The following MACROD2 variants were observed in gnomAD, a reference collection of about 807,000 sequenced individuals.
MACROD2 encodes the protein mono-ADP ribosylhydrolase 2.
Under a neutral mutation model 70.4 loss-of-function variants are expected in MACROD2, and 36 were observed. The observed-to-expected ratio is 0.51, with a 90% confidence interval of 0.39 to 0.68. The LOEUF (loss-of-function observed/expected upper bound fraction) is 0.68. MACROD2 is among the 30% of genes least tolerant of loss of function. The probability of loss-of-function intolerance (pLI) is 0.00; values close to 1 mark genes in which losing one functional copy is unlikely to be tolerated. For missense variants in MACROD2, 496 were observed against 538.4 expected (o/e 0.92, Z 0.78); for synonymous variants, 172 against 178.8 (o/e 0.96, Z 0.30).
At chr20:14,850,504 C>T (rs1366527032) in intron 5 of MACROD2, 1 of 152,966 alleles carries the variant, frequency 6.5e-6, no homozygotes, top group Non-Finnish European at 1.5e-5. Context: ...TTGTTTGCCA[C>T]TGTTGTATCA....
chr20:15,339,369 A>T (rs2078082937), intron 6 of MACROD2, among the ~76,000 whole-genome samples: 1 of 151,840 alleles, frequency 6.6e-6, no homozygotes, highest in East Asian at 1.9e-4. Flanking sequence ...ACTCTAAGAC[A>T]TCAATCGACA....
chr20:15,179,997 C>T (rs2076489194), intron 5 of MACROD2, among the ~76,000 whole-genome samples: 1 of 152,150 alleles, frequency 6.6e-6, no homozygotes, highest in African/African-American at 2.4e-5. Context: ...TGCCGATGGC[C>T]ACCCTCTTGC....
At chr20:14,624,193 G>C (rs1449727797) in intron 4 of MACROD2, among the ~76,000 whole-genome samples, 1 of 152,176 alleles carries the variant, frequency 6.6e-6, no homozygotes, top group Non-Finnish European at 1.5e-5. Flanking sequence ...ATCAGCTTTA[G>C]GTGTCTGAGG....
chr20:14,388,735 GTGACTTCTC>G (rs1317059170), intron 3 of MACROD2, among the ~76,000 whole-genome samples: 1 of 151,946 alleles, frequency 6.6e-6, no homozygotes, highest in African/African-American at 2.4e-5. Flanking sequence ...TTTTAATGTT[GTGACTTCTC>G]TGCTTCTTGC....
intron 5 of MACROD2, among the ~76,000 whole-genome samples, chr20:14,799,805 T>C (rs1041706409): frequency 6.6e-6 from 1 of 152,014 alleles, no homozygotes; most frequent in Non-Finnish European, 1.5e-5. Context: ...CCCTGTTTGT[T>C]GATATATTTG....
At chr20:16,020,843 T>C (rs2066992048) in intron 15 of MACROD2, among the ~76,000 whole-genome samples, 1 of 152,084 alleles carries the variant, frequency 6.6e-6, no homozygotes, top group Non-Finnish European at 1.5e-5. Context: ...AGTCAGCCCA[T>C]CTTTTTCACA....
rs967220661 is a variant in MACROD2 at position 15,894,007 on chromosome 20, T to C, written c.775+8196T>C. On this transcript the variant is annotated intron_variant, in intron 10 of 17. Coordinates refer to ENST00000684519, the MANE Select transcript of MACROD2 (RefSeq NM_001351661.2). ...ATAGCTGGGCTCTAGGGTCTCGCTT[T>C]CCCATGCTCAGTCACTGGCTGCAAG... 30 of 441,328 alleles carry C rather than the reference T, an allele frequency of 6.8e-5. No homozygotes were observed. The Admixed American group carries it at 7.6e-4, about 11-fold the overall frequency. 27.3% of individuals were successfully genotyped at this position (441,328 alleles called of 1,614,324 possible).
chr20:15,582,709 CTT>C lies in MACROD2; in HGVS notation c.645+82866_645+82867del, dbSNP rs551908583. On this transcript the variant is annotated intron_variant, in intron 8 of 17. Transcript: ENST00000684519. The stretch of plus-strand genomic sequence containing the variant: ...TTCATGTAGGTAGTAGCCTTCCTGT[CTT>C]TTTGCAGTGTGGAGAAGGGATTGGG... 2.2e-4 allele frequency among the ~76,000 whole-genome samples: 33 copies of C among 152,276 alleles called. No homozygotes were observed. The East Asian group carries it at 6.0e-3, about 28-fold the overall frequency.
intron 5 of MACROD2, among the ~76,000 whole-genome samples, chr20:15,216,771 G>T (rs1376998885): frequency 6.6e-6 from 1 of 152,086 alleles, no homozygotes; most frequent in East Asian, 1.9e-4. Context: ...GAGAGTAAGC[G>T]CTTTTCTCAG....
intron 4 of MACROD2, chr20:14,623,050 G>A (rs1193850659): frequency 1.3e-5 from 2 of 152,246 alleles, no homozygotes; most frequent in African/African-American, 4.8e-5. Context: ...CTCACATCCA[G>A]TGACTCAACA....
chr20:16,052,382 A>C lies in MACROD2; in HGVS notation c.*2506A>C, dbSNP rs2147637266. 1 of 152,342 alleles carries C rather than the reference A, an allele frequency of 6.6e-6. No homozygotes were observed. The highest frequency in any genetic ancestry group is 1.9e-4 in the East Asian group (1 of 5,182). The allele number at this position is 152,342 out of a possible 1,614,324, so 9.4% of individuals were successfully genotyped here. On this transcript the variant is annotated 3_prime_UTR_variant, in exon 18 of 18. Transcript: ENST00000684519. ...GAAAAGCTGATTGATTTTCCCGCAC[A>C]TAAATTCTGGATGTCAATTTCCAAC...
At chr20:14,117,816 A>G (rs964853747) in intron 3 of MACROD2, among the ~76,000 whole-genome samples, 2 of 152,170 alleles carry the variant, frequency 1.3e-5, no homozygotes, top group African/African-American at 4.8e-5. Flanking sequence ...ATCTTCCTAC[A>G]TAATTGCAGC....
chr20:15,013,207 C>T (rs577832351), intron 5 of MACROD2, among the ~76,000 whole-genome samples: 213 of 152,108 alleles, frequency 1.4e-3, no homozygotes, highest in Admixed American at 3.3e-3. Context: ...GATGGGCAAA[C>T]GACTTAGCTC....
At chr20:14,684,650 C>CA in intron 4 of MACROD2, among the ~76,000 whole-genome samples, 193 bp from the exon 5 acceptor site, 2 of 13,414 alleles carry the variant, frequency 1.5e-4, no homozygotes, top group Non-Finnish European at 2.4e-4. Context: ...ATAACCTCAC[C>CA]CCCCCCCCCC....
intron 8 of MACROD2, among the ~76,000 whole-genome samples, chr20:15,840,982 A>G (rs1053487342): frequency 1.3e-5 from 2 of 152,214 alleles, no homozygotes; most frequent in African/African-American, 2.4e-5. Flanking sequence ...ATCTTTTAAA[A>G]AATGGTTTTA....
intron 9 of MACROD2, among the ~76,000 whole-genome samples, chr20:15,866,113 C>G (rs1043040135): frequency 2.0e-5 from 3 of 152,072 alleles, no homozygotes; most frequent in Non-Finnish European, 4.4e-5. Flanking sequence ...TATGTCAGGC[C>G]TAAGAATGGA....
At chr20:15,753,077 A>G (rs1404099527) in intron 8 of MACROD2, among the ~76,000 whole-genome samples, 5 of 81,108 alleles carry the variant, frequency 6.2e-5, no homozygotes, top group Admixed American at 5.4e-4. Flanking sequence ...TCTTAAGGCA[A>G]TTTTTTCTGG....
At chr20:14,412,714 G>A (rs1006517085) in intron 3 of MACROD2, among the ~76,000 whole-genome samples, 3 of 152,118 alleles carry the variant, frequency 2.0e-5, no homozygotes, top group Admixed American at 6.5e-5. Flanking sequence ...TTAAACAAAC[G>A]AATGTCTGTA....
chr20:15,333,497 G>A (rs531208601), intron 6 of MACROD2, among the ~76,000 whole-genome samples: 2 of 151,610 alleles, frequency 1.3e-5, no homozygotes, highest in East Asian at 3.9e-4. Context: ...ATTTTCTCAA[G>A]AGCTTGGAGA....
Sources: allele counts gnomAD v4.1 joint callset (sites outside exome capture counted in the v4.1 genomes callset), GRCh38; gene constraint gnomAD v4.1.1; transcripts MANE v1.5; gene names NCBI Gene and HGNC (gene_info 2026-07-23, HGNC 2026-07-21).